The following CCDC7 variants were observed in gnomAD, a reference collection of about 807,000 sequenced individuals.
CCDC7 encodes the protein coiled-coil domain containing 7.
A neutral mutation model predicts 196.9 loss-of-function variants in CCDC7; 183 were observed. The ratio of observed to expected loss-of-function variants is 0.93; its 90% CI spans 0.82 to 1.05. The LOEUF (loss-of-function observed/expected upper bound fraction) is 1.05, where lower values mean the gene tolerates loss of function less well. Ranked by LOEUF, CCDC7 falls within the 50% of genes least tolerant of loss-of-function variation. CCDC7 has a pLI of 0.00. For missense variants in CCDC7, 1,540 were observed against 1,482.2 expected (o/e 1.04, Z -0.64); for synonymous variants, 525 against 484.6 (o/e 1.08, Z -1.10).
At chr10:32,611,597 A>G (rs1050193964) in intron 18 of CCDC7, among the ~76,000 whole-genome samples, 1 of 152,150 alleles carries the variant, frequency 6.6e-6, no homozygotes. Context: ...TAATTTTTGT[A>G]TAAGGTGTAA....
At chr10:32,575,069 A>G (rs2058040051) in intron 16 of CCDC7, among the ~76,000 whole-genome samples, 1 of 152,216 alleles carries the variant, frequency 6.6e-6, no homozygotes, top group Non-Finnish European at 1.5e-5. Context: ...ACAAGTAAAA[A>G]TAAATGAACA....
intron 18 of CCDC7, among the ~76,000 whole-genome samples, chr10:32,592,487 A>T (rs2059869934): frequency 6.6e-6 from 1 of 151,594 alleles, no homozygotes; most frequent in African/African-American, 2.4e-5. Context: ...TTTTTTGTAC[A>T]ACTTTCGCTG....
At chr10:32,772,456 A>C (rs1382079554) in intron 28 of CCDC7, among the ~76,000 whole-genome samples, 1 of 152,198 alleles carries the variant, frequency 6.6e-6, no homozygotes, top group East Asian at 1.9e-4. Context: ...GTTCACTGCA[A>C]AGCTAGGCAC....
At chr10:32,583,493 ATATTCT>A (rs1181931436) in intron 17 of CCDC7, among the ~76,000 whole-genome samples, 186 bp downstream of exon 18, 2 of 152,106 alleles carry the variant, frequency 1.3e-5, no homozygotes, top group African/African-American at 4.8e-5. Flanking sequence ...AATCTAAGTA[ATATTCT>A]TAACTTATAA....
At chr10:32,691,692 T>C (rs2077101119) in intron 23 of CCDC7, among the ~76,000 whole-genome samples, 1 of 152,106 alleles carries the variant, frequency 6.6e-6, no homozygotes, top group Non-Finnish European at 1.5e-5. Context: ...CATTACAGCC[T>C]CTGCAGATGA....
intron 9 of CCDC7, among the ~76,000 whole-genome samples, chr10:32,493,037 T>C (rs2042381141): frequency 6.6e-6 from 1 of 152,074 alleles, no homozygotes; most frequent in Non-Finnish European, 1.5e-5. Flanking sequence ...TAAATCAAGC[T>C]ATGTAACAGA....
intron 18 of CCDC7, among the ~76,000 whole-genome samples, chr10:32,592,341 C>A (rs1284152872): frequency 6.6e-6 from 1 of 151,770 alleles, no homozygotes; most frequent in African/African-American, 2.4e-5. Flanking sequence ...CTTCATTTAT[C>A]TCTGATCTTA....
At chr10:32,641,124 T>C (rs1190082428) in intron 20 of CCDC7, among the ~76,000 whole-genome samples, 1 of 152,192 alleles carries the variant, frequency 6.6e-6, no homozygotes, top group Non-Finnish European at 1.5e-5. Context: ...CTGACAATTA[T>C]GTGTCTTGGA....
intron 25 of CCDC7, among the ~76,000 whole-genome samples, chr10:32,722,360 C>A (rs1259047287): frequency 6.6e-6 from 1 of 152,094 alleles, no homozygotes; most frequent in South Asian, 2.1e-4. Flanking sequence ...GTTACAGCAG[C>A]GATCTACTTC....
chr10:32,766,680 C>T (rs909448377), intron 28 of CCDC7, among the ~76,000 whole-genome samples: 1 of 152,084 alleles, frequency 6.6e-6, no homozygotes, highest in African/African-American at 2.4e-5. Context: ...CCATCATGAA[C>T]TGGATGTTGT....
Position 32,573,939 on chromosome 10 carries a change from A to T in CCDC7, c.1454+2046A>T, listed in dbSNP as rs12218793. 8.5e-5 allele frequency among the ~76,000 whole-genome samples: 13 copies of T among 152,330 alleles called. No homozygotes were observed. The East Asian group carries it at 9.6e-4, about 11-fold the overall frequency. ...GTCTAGTAGGGCCGACTAGACATGT[A>T]CAAAAATAAGTGAAGTATAATGCAG... On this transcript the variant is annotated intron_variant, in intron 16 of 41. Transcript: ENST00000639629.
At position 32,689,178 on chromosome 10, in the gene CCDC7, T is replaced by A. The variant is rs1215892104; in HGVS notation, c.2344+15T>A. On this transcript the variant is annotated intron_variant, in intron 23 of 41. Coordinates refer to ENST00000639629, the Ensembl canonical transcript of CCDC7. Reference sequence around the variant, plus strand: ...AAGAATTATTAGTAAGTATAAAAAGTAAAGATAACTTTAAATTATTTAAAA... The same window carrying A: ...AAGAATTATTAGTAAGTATAAAAAGAAAAGATAACTTTAAATTATTTAAAA... 1 of 1,433,530 alleles carries A rather than the reference T, an allele frequency of 7.0e-7. No individual in the cohort carries two copies. Among genetic ancestry groups the A allele is most frequent in the Non-Finnish European group, 9.6e-7 (1 of 1,039,348 alleles). 88.8% of individuals were successfully genotyped at this position (1,433,530 alleles called of 1,614,324 possible). A position where few individuals can be genotyped will look rare whatever the true frequency, so the allele number is the denominator to read the frequency against.
chr10:32,840,046 A>T (rs1397700462), intron 33 of CCDC7, among the ~76,000 whole-genome samples: 1 of 152,086 alleles, frequency 6.6e-6, no homozygotes, highest in Non-Finnish European at 1.5e-5. Flanking sequence ...GCCTAAATCA[A>T]AAAGTCTGAA....
At chr10:32,692,160 G>T (rs1315515770) in intron 23 of CCDC7, among the ~76,000 whole-genome samples, 1 of 152,180 alleles carries the variant, frequency 6.6e-6, no homozygotes, top group Non-Finnish European at 1.5e-5. Context: ...CTGCATTACA[G>T]GCTGTCCACC....
chr10:32,493,032 C>G (rs995910790), intron 9 of CCDC7, among the ~76,000 whole-genome samples: 2 of 151,806 alleles, frequency 1.3e-5, no homozygotes, highest in Non-Finnish European at 2.9e-5. Flanking sequence ...ATCGCTAAAT[C>G]AAGCTATGTA....
At chr10:32,644,383 A>G (rs1256321952) in intron 20 of CCDC7, among the ~76,000 whole-genome samples, 1 of 152,190 alleles carries the variant, frequency 6.6e-6, no homozygotes, top group Non-Finnish European at 1.5e-5. Context: ...TCTGATAAGC[A>G]CTATTCTACT....
At chr10:32,673,654 CGTGTGT>C (rs71027102) in intron 21 of CCDC7, among the ~76,000 whole-genome samples, 46 of 148,032 alleles carry the variant, frequency 3.1e-4, no homozygotes, top group Middle Eastern at 3.5e-3. Context: ...CCATTGTGCA[CGTGTGT>C]GTGTGTGTGT....
chr10:32,632,483 C>A (rs2139512297), intron 18 of CCDC7, among the ~76,000 whole-genome samples: 1 of 151,252 alleles, frequency 6.6e-6, no homozygotes, highest in East Asian at 1.9e-4. Flanking sequence ...TATATATATT[C>A]TTTCTGCTTA....
chr10:32,724,340 G>A (rs1043927997), intron 25 of CCDC7, among the ~76,000 whole-genome samples: 2 of 152,074 alleles, frequency 1.3e-5, no homozygotes, highest in African/African-American at 4.8e-5. Context: ...GTATTTACTG[G>A]TCAACTCTGC....
Sources: allele counts gnomAD v4.1 joint callset (sites outside exome capture counted in the v4.1 genomes callset), GRCh38; gene constraint gnomAD v4.1.1; transcripts MANE v1.5; gene names NCBI Gene and HGNC (gene_info 2026-07-23, HGNC 2026-07-21).